NUP214: variants seen among roughly 807,000 people sequenced by gnomAD.
NUP214 encodes nucleoporin 214, also known as nuclear pore complex protein Nup214.
A neutral mutation model predicts 196.2 loss-of-function variants in NUP214; 79 were observed. The observed-to-expected ratio is 0.40, with a 90% confidence interval of 0.34 to 0.49. The LOEUF (loss-of-function observed/expected upper bound fraction) is 0.49, where lower values mean the gene tolerates loss of function less well. NUP214 is among the 20% of genes least tolerant of loss of function. The pLI, the probability that NUP214 is intolerant of heterozygous loss-of-function variation, is 0.58. For synonymous variants in NUP214, 1,020 were observed against 990.5 expected, an observed-to-expected ratio of 1.03 and a Z score of -0.56; for missense variants, 2,468 against 2,539.0, an observed-to-expected ratio of 0.97 and a Z score of 0.60.
intron 11 of NUP214, among the ~76,000 whole-genome samples, chr9:131,140,965 G>A (rs763125407): frequency 3.9e-5 from 6 of 152,108 alleles, no homozygotes; most frequent in African/African-American, 7.2e-5. Flanking sequence ...GCATCCAGTC[G>A]TTTACCAACA....
chr9:131,167,712 G>T (rs1325457865), intron 21 of NUP214, among the ~76,000 whole-genome samples: 1 of 152,108 alleles, frequency 6.6e-6, no homozygotes, highest in Non-Finnish European at 1.5e-5. Context: ...ATGTTCTTTT[G>T]TGGAGTACCG....
intron 18 of NUP214, among the ~76,000 whole-genome samples, 189 bp downstream of exon 18, chr9:131,159,675 T>C (rs368482349): frequency 1.4e-4 from 21 of 152,252 alleles, no homozygotes; most frequent in African/African-American, 5.1e-4. Flanking sequence ...CTGACCAACA[T>C]GGAGAAACCC....
intron 9 of NUP214, among the ~76,000 whole-genome samples, chr9:131,138,861 A>C (rs2133471793): frequency 6.6e-6 from 1 of 152,300 alleles, no homozygotes; most frequent in African/African-American, 2.4e-5. Context: ...ACTGCAGTAG[A>C]GATCAGCTGG....
Position 131,212,319 on chromosome 9 carries a change from G to A in NUP214, c.5593-2893G>A, listed in dbSNP as rs185865858. ...AATTTCACCCTGGTCCTGTGATCTC[G>A]CTCTGCCCCATTTGCCTTGTGATAT... On this transcript the variant is annotated intron_variant, in intron 30 of 35. Coordinates refer to ENST00000359428, the MANE Select transcript of NUP214 (RefSeq NM_005085.4). 1.1e-4 allele frequency among the ~76,000 whole-genome samples: 16 copies of A among 152,260 alleles called. No homozygotes were observed. The East Asian group carries it at 1.5e-3, about 15-fold the overall frequency.
intron 14 of NUP214, 80 bp downstream of exon 14, chr9:131,147,664 A>T (rs1264346630): frequency 1.3e-5 from 14 of 1,074,954 alleles, no homozygotes. Context: ...ATGAGTTTTC[A>T]TGTTTTATAA....
intron 9 of NUP214, among the ~76,000 whole-genome samples, chr9:131,137,263 A>G (rs545776467): frequency 3.1e-4 from 47 of 152,358 alleles, no homozygotes; most frequent in Non-Finnish European, 6.6e-4. Flanking sequence ...TTATAAGTGA[A>G]AAGAATCACC....
At chr9:131,204,186 A>G (rs929902981) in intron 30 of NUP214, among the ~76,000 whole-genome samples, 1 of 152,252 alleles carries the variant, frequency 6.6e-6, no homozygotes, top group Non-Finnish European at 1.5e-5. Flanking sequence ...TGCACAGACT[A>G]CCTAAACTGT....
intron 32 of NUP214, among the ~76,000 whole-genome samples, chr9:131,225,615 A>G (rs1385403152): frequency 2.0e-5 from 3 of 152,144 alleles, no homozygotes; most frequent in African/African-American, 7.2e-5. Context: ...GGGCAGGGGA[A>G]AGGCCACTCC....
intron 24 of NUP214, among the ~76,000 whole-genome samples, chr9:131,180,813 CT>C (rs1243763557): frequency 1.3e-5 from 2 of 152,202 alleles, no homozygotes; most frequent in Non-Finnish European, 2.9e-5. Context: ...TACACAAACA[CT>C]TATTTTGGTG....
rs568427569 is a variant in NUP214 at position 131,198,079 on chromosome 9, G to A, written c.4585G>A (p.Ala1529Thr). 8.8e-5 allele frequency: 142 copies of A among 1,614,000 alleles called. No individual in the cohort carries two copies. The highest frequency in any genetic ancestry group is 1.2e-4 in the Admixed American group (7 of 60,000). The change falls in exon 29 of 36, where the codon GCT becomes ACT. Residue 1529 changes from alanine (A) to threonine (T), a missense_variant. Ala to Thr is a moderately conservative substitution (Grantham distance 58, BLOSUM62 0). This residue lies in a region of NUP214 where 1,801 missense variants were observed against 1,779.4 expected (regional missense o/e 1.01). Transcript: ENST00000359428. ...EEQQSAQLPQ[A>T]PPQTSDSVKK... ...GCAACAGTCAGCCCAGCTTCCCCAG[G>A]CTCCTCCGCAAACTTCTGACTCTGT...
chr9:131,192,386 GTA>G, intron 27 of NUP214, 94 bp downstream of exon 27: 1 of 738,600 alleles, frequency 1.4e-6, no homozygotes. Flanking sequence ...TATTAAATGT[GTA>G]TGAACCCAGA....
Position 131,162,041 on chromosome 9 carries a change from T to C in NUP214, c.2541-950T>C, listed in dbSNP as rs146642950. ...TTTTTTTTAAGCTTATCAGCCAGCA[T>C]TAGTATATTTTATGTGTGGCCCAAG... On this transcript the variant is annotated intron_variant, in intron 18 of 35. Transcript: ENST00000359428. 2.3e-3 allele frequency among the ~76,000 whole-genome samples: 349 copies of C among 152,238 alleles called. 4 individuals carry two copies. Among genetic ancestry groups the C allele is most frequent in the African/African-American group, 8.1e-3 (335 of 41,538 alleles).
chr9:131,230,337 G>C, intron 33 of NUP214: 1 of 385,690 alleles, frequency 2.6e-6, no homozygotes, highest in Non-Finnish European at 4.8e-6. Flanking sequence ...AGCAGGAACT[G>C]TGTACTGCAT....
At chr9:131,147,765 G>A (rs763519004) in intron 14 of NUP214, among the ~76,000 whole-genome samples, 181 bp downstream of exon 14, 35 of 152,326 alleles carry the variant, frequency 2.3e-4, no homozygotes, top group Non-Finnish European at 4.3e-4. Flanking sequence ...AAGCCATTTA[G>A]CTATTTTAAT....
At chr9:131,229,701 G>C (rs2131108737) in intron 33 of NUP214, 1 of 518,898 alleles carries the variant, frequency 1.9e-6, no homozygotes, top group Non-Finnish European at 3.8e-6. Flanking sequence ...CTGAAGGGCA[G>C]GCTGTTGCTG....
chr9:131,157,733 C>T (rs2133538622), intron 17 of NUP214, among the ~76,000 whole-genome samples: 1 of 152,100 alleles, frequency 6.6e-6, no homozygotes, highest in South Asian at 2.1e-4. Context: ...GCGACTTCCA[C>T]CTCCCAGGTT....
intron 5 of NUP214, among the ~76,000 whole-genome samples, chr9:131,132,261 G>T (rs535495435): frequency 6.6e-6 from 1 of 151,354 alleles, no homozygotes; most frequent in Non-Finnish European, 1.5e-5. Context: ...CTGGGATTAC[G>T]GCACCCGCCA....
intron 21 of NUP214, among the ~76,000 whole-genome samples, chr9:131,170,182 TA>T (rs1215637314): frequency 6.6e-6 from 1 of 151,700 alleles, no homozygotes; most frequent in Admixed American, 6.6e-5. Flanking sequence ...TTTACCACAA[TA>T]AAAAAATAAA....
At position 131,133,153 on chromosome 9, in the gene NUP214, G is replaced by A. The variant is rs1376847412; in HGVS notation, c.775G>A (p.Ala259Thr). Reference sequence around the variant, plus strand: ...TACCTACGTCTTCGCCATAGTGTATGCTGCTGCAGATGGGACCCTGGAAAC... The same window carrying A: ...TACCTACGTCTTCGCCATAGTGTATACTGCTGCAGATGGGACCCTGGAAAC... Reference protein sequence around the residue: ...IGTYVFAIVYAAADGTLETSP... With the variant: ...IGTYVFAIVYTAADGTLETSP... The change falls in exon 7 of 36, where the codon GCT (alanine) becomes ACT (threonine). Residue 259 changes from alanine (A) to threonine (T), a missense_variant. Ala to Thr is a moderately conservative substitution (Grantham distance 58). Around this residue, in one of 5 missense-constraint regions of NUP214, gnomAD observed 392 missense variants for 417.9 expected, o/e 0.94. Coordinates refer to ENST00000359428, the MANE Select transcript of NUP214 (RefSeq NM_005085.4). The A allele has an allele frequency of 6.2e-7, 1 of 1,606,942 alleles. No homozygotes were observed. The highest frequency in any genetic ancestry group is 8.5e-7 in the Non-Finnish European group (1 of 1,177,866).
Sources: allele counts gnomAD v4.1 joint callset (sites outside exome capture counted in the v4.1 genomes callset), GRCh38; gene constraint gnomAD v4.1.1; regional missense constraint gnomAD v4.1.1; transcripts MANE v1.5; gene names NCBI Gene and HGNC (gene_info 2026-07-23, HGNC 2026-07-21).